The following GLT1D1 variants were observed in gnomAD, a reference collection of about 807,000 sequenced individuals.
GLT1D1 encodes glycosyltransferase 1 domain-containing protein 1.
Under a neutral mutation model 28.7 loss-of-function variants are expected in GLT1D1, and 21 were observed. The ratio of observed to expected loss-of-function variants is 0.73; its 90% CI spans 0.52 to 1.05. The LOEUF (loss-of-function observed/expected upper bound fraction) is 1.05, where lower values mean the gene tolerates loss of function less well. GLT1D1 is among the 50% of genes least tolerant of loss of function. The pLI is 0.00. For synonymous variants in GLT1D1, 147 were observed against 124.8 expected (o/e 1.18, Z -1.19); for missense variants, 343 against 330.6 (o/e 1.04, Z -0.29).
At chr12:128,890,037 G>A (rs555570791) in intron 3 of GLT1D1, among the ~76,000 whole-genome samples, 1 of 152,330 alleles carries the variant, frequency 6.6e-6, no homozygotes, top group Admixed American at 6.5e-5. Context: ...GCCTCCCAAA[G>A]TGCTGGGATT....
intron 2 of GLT1D1, among the ~76,000 whole-genome samples, chr12:128,885,470 G>A (rs1038283356): frequency 1.7e-4 from 26 of 152,268 alleles, no homozygotes; most frequent in Non-Finnish European, 3.5e-4. Context: ...TGATCCACCC[G>A]CCTCGGCCTT....
intron 4 of GLT1D1, among the ~76,000 whole-genome samples, chr12:128,932,558 A>T (rs904281243): frequency 2.0e-4 from 30 of 152,180 alleles, no homozygotes; most frequent in African/African-American, 7.2e-4. Flanking sequence ...TGCTGTCTAT[A>T]ATTAAAGCAG....
chr12:128,970,469 A>C (rs1593206004), intron 7 of GLT1D1, among the ~76,000 whole-genome samples: 1 of 150,680 alleles, frequency 6.6e-6, no homozygotes, highest in Non-Finnish European at 1.5e-5. Context: ...CAGCCCGCCC[A>C]CTCCCTCCCC....
At chr12:128,948,841 T>G (rs1265813481) in intron 6 of GLT1D1, among the ~76,000 whole-genome samples, 1 of 152,198 alleles carries the variant, frequency 6.6e-6, no homozygotes, top group Non-Finnish European at 1.5e-5. Flanking sequence ...ATATTTGCTC[T>G]TAATTTGGCA....
chr12:128,983,231 T>C lies in GLT1D1; in HGVS notation c.*141T>C. ...AATCCTAGAAAATGTTAGTCGTGAG[T>C]CCCCAGAGCCACTGCATTCATCCCA... On this transcript the variant is annotated 3_prime_UTR_variant, in exon 8 of 8. Transcript: ENST00000281703. The surrounding 1 kb of genome is among the most constrained non-coding windows in gnomAD (Gnocchi z 4.7). 1.4e-6 allele frequency: 1 copy of C among 711,216 alleles called. No individual in the cohort carries two copies. Among genetic ancestry groups the C allele is most frequent in the South Asian group, 1.8e-5 (1 of 55,982 alleles). 44.1% of individuals were successfully genotyped at this position (711,216 alleles called of 1,614,324 possible).
intron 4 of GLT1D1, among the ~76,000 whole-genome samples, chr12:128,921,806 G>T (rs1237320673): frequency 1.4e-5 from 2 of 141,824 alleles, no homozygotes; most frequent in Non-Finnish European, 3.3e-5. Flanking sequence ...TAGCAAAAAT[G>T]AAGAATTAAA....
intron 4 of GLT1D1, among the ~76,000 whole-genome samples, chr12:128,926,763 G>A (rs1873263959): frequency 6.6e-6 from 1 of 152,176 alleles, no homozygotes; most frequent in Non-Finnish European, 1.5e-5. Flanking sequence ...TGATTTGTGT[G>A]ATGCATTTGG....
At chr12:128,907,837 T>G (rs991084422) in intron 4 of GLT1D1, among the ~76,000 whole-genome samples, 1 of 152,210 alleles carries the variant, frequency 6.6e-6, no homozygotes, top group Non-Finnish European at 1.5e-5. Context: ...AAATGTGTGG[T>G]ACCATCACAA....
intron 1 of GLT1D1, among the ~76,000 whole-genome samples, chr12:128,856,393 C>T (rs1340045814): frequency 6.6e-6 from 1 of 152,122 alleles, no homozygotes; most frequent in Admixed American, 6.5e-5. Context: ...CTCATTTTAC[C>T]CAGCCCTTAT....
chr12:128,898,233 C>T (rs1869871832), intron 3 of GLT1D1, among the ~76,000 whole-genome samples: 1 of 151,878 alleles, frequency 6.6e-6, no homozygotes, highest in Non-Finnish European at 1.5e-5. Context: ...AGTGCAGTGG[C>T]ACAATCATGG....
chr12:128,871,443 A>G (rs932718953), intron 1 of GLT1D1, among the ~76,000 whole-genome samples: 1 of 152,202 alleles, frequency 6.6e-6, no homozygotes, highest in Non-Finnish European at 1.5e-5. Flanking sequence ...CTCAAGATAC[A>G]CGATGCACTT....
At chr12:128,886,900 C>T (rs138673053) in intron 2 of GLT1D1, among the ~76,000 whole-genome samples, 4 of 152,164 alleles carry the variant, frequency 2.6e-5, no homozygotes, top group South Asian at 2.1e-4. Context: ...CTCTACTGGG[C>T]GGGCGTTTCT....
At chr12:128,884,667 T>C (rs1243355175) in intron 2 of GLT1D1, among the ~76,000 whole-genome samples, 1 of 151,710 alleles carries the variant, frequency 6.6e-6, no homozygotes, top group East Asian at 1.9e-4. Context: ...ATATAAAAAT[T>C]AGCTGGGCAT....
At chr12:128,941,500 A>G (rs1167535180) in intron 4 of GLT1D1, among the ~76,000 whole-genome samples, 1 of 151,798 alleles carries the variant, frequency 6.6e-6, no homozygotes, top group Non-Finnish European at 1.5e-5. Context: ...GTGTAGCCAT[A>G]CAGGCTCCTA....
chr12:128,936,034 C>T (rs556211921), intron 4 of GLT1D1, among the ~76,000 whole-genome samples: 3 of 152,214 alleles, frequency 2.0e-5, no homozygotes, highest in Admixed American at 6.5e-5. Flanking sequence ...AAAATGGGGA[C>T]GACTGAGCTA....
intron 7 of GLT1D1, among the ~76,000 whole-genome samples, chr12:128,978,738 G>A (rs964987538): frequency 1.3e-4 from 20 of 152,136 alleles, no homozygotes; most frequent in East Asian, 1.9e-4. Flanking sequence ...TGGCTACTCC[G>A]TAGACAGAGC....
At chr12:128,862,797 A>G (rs2135763422) in intron 1 of GLT1D1, among the ~76,000 whole-genome samples, 1 of 152,378 alleles carries the variant, frequency 6.6e-6, no homozygotes, top group South Asian at 2.1e-4. Context: ...CAGCTTGCGC[A>G]CATCAGCTCG....
chr12:128,933,266 G>A lies in GLT1D1; in HGVS notation c.376-12060G>A, dbSNP rs1693462650. 1.3e-5 allele frequency among the ~76,000 whole-genome samples: 2 copies of A among 152,382 alleles called. 1 individual carries two copies. ...TGAACACAGGGTGCGGAAGCGATGC[G>A]GGTAGACGCAGGCGGCGCCCGTGCG... is the stretch of plus-strand genomic sequence containing the variant. On this transcript the variant is annotated intron_variant, in intron 4 of 7. Transcript: ENST00000281703.
intron 1 of GLT1D1, among the ~76,000 whole-genome samples, chr12:128,859,317 T>C (rs934056254): frequency 6.6e-6 from 1 of 152,214 alleles, no homozygotes; most frequent in Non-Finnish European, 1.5e-5. Context: ...AGAGACCATC[T>C]CTTCCAGAGC....
Sources: allele counts gnomAD v4.1 joint callset (sites outside exome capture counted in the v4.1 genomes callset), GRCh38; gene constraint gnomAD v4.1.1; non-coding constraint Gnocchi (gnomAD v3.1); transcripts MANE v1.5; gene names NCBI Gene and HGNC (gene_info 2026-07-23, HGNC 2026-07-21).